Variants in SHROOM3 observed in about 807,000 individuals in gnomAD.
SHROOM3 encodes shroom family member 3.
In SHROOM3, 47 loss-of-function variants were observed where a neutral mutation model predicts 138.6. The ratio of observed to expected loss-of-function variants is 0.34; its 90% CI spans 0.27 to 0.43. The LOEUF (loss-of-function observed/expected upper bound fraction) is 0.43, where lower values mean the gene tolerates loss of function less well. SHROOM3 is among the 20% of genes least tolerant of loss of function. The pLI, the probability that SHROOM3 is intolerant of heterozygous loss-of-function variation, is 1.00. For synonymous variants in SHROOM3, 1,062 were observed against 1,063.3 expected (o/e 1.00, Z 0.02); for missense variants, 2,491 against 2,596.5 (o/e 0.96, Z 0.88).
intron 1 of SHROOM3, among the ~76,000 whole-genome samples, chr4:76,533,568 T>A (rs1180732362): frequency 6.6e-6 from 1 of 152,180 alleles, no homozygotes; most frequent in East Asian, 1.9e-4. Context: ...TCTCTGGGCT[T>A]ATTAGACATG....
intron 2 of SHROOM3, among the ~76,000 whole-genome samples, chr4:76,572,095 T>C (rs1733844556): frequency 6.6e-6 from 1 of 152,194 alleles, no homozygotes; most frequent in Admixed American, 6.5e-5. Context: ...TCCTGGATCC[T>C]CATCCAAACT....
At chr4:76,753,277 T>C (rs972889390) in intron 6 of SHROOM3, among the ~76,000 whole-genome samples, 1 of 152,242 alleles carries the variant, frequency 6.6e-6, no homozygotes, top group Non-Finnish European at 1.5e-5. Context: ...AATAAAGGCA[T>C]GAGAAGAGCT....
Position 76,740,021 on chromosome 4 carries a change from CAA to C in SHROOM3, c.1849_1850del (p.Lys617GlufsTer53). On this transcript the variant is annotated frameshift_variant, in exon 5 of 11. Transcript: ENST00000296043. LOFTEE classifies it high-confidence loss of function. The surrounding 1 kb of genome is among the most constrained non-coding windows in gnomAD (Gnocchi z 4.0). ...CTCAGGCCTGGCAAGCGGGTGAAGA[CAA>C]GAGATCTTCCAGGCTCTCAGAGCCC... ...QAQAWQAGED[K>X]RSSRLSEPWE... 6.2e-7 allele frequency: 1 copy of C among 1,613,964 alleles called. No homozygotes were observed. The highest frequency in any genetic ancestry group is 8.5e-7 in the Non-Finnish European group (1 of 1,180,052).
chr4:76,535,537 T>A (rs1321446952), intron 1 of SHROOM3, among the ~76,000 whole-genome samples: 2 of 152,238 alleles, frequency 1.3e-5, no homozygotes, highest in African/African-American at 4.8e-5. Flanking sequence ...CTTAAGGGGC[T>A]GCTGCATAAT....
intron 2 of SHROOM3, among the ~76,000 whole-genome samples, chr4:76,579,988 G>A (rs1400233318): frequency 6.6e-6 from 1 of 152,190 alleles, no homozygotes; most frequent in East Asian, 1.9e-4. Flanking sequence ...CGTATCTCCT[G>A]TCACATTTCT....
intron 2 of SHROOM3, chr4:76,559,158 A>G (rs375085540): frequency 1.3e-5 from 2 of 152,124 alleles, no homozygotes; most frequent in Middle Eastern, 3.2e-3. Flanking sequence ...TATCTCATCT[A>G]TTATGTGTTG....
chr4:76,561,499 G>T (rs1190023927), intron 2 of SHROOM3, among the ~76,000 whole-genome samples: 2 of 151,982 alleles, frequency 1.3e-5, no homozygotes, highest in East Asian at 3.9e-4. Flanking sequence ...CTGCCTGGAG[G>T]TAGAAATGAG....
Position 76,738,807 on chromosome 4 carries a change from C to T in SHROOM3, c.634C>T (p.Arg212Trp), listed in dbSNP as rs773899698. The change falls in exon 5 of 11, where the codon CGG (arginine) becomes TGG (tryptophan). Residue 212 changes from arginine to tryptophan, a missense_variant. By Grantham distance (101) the Arg-to-Trp change is moderately radical (BLOSUM62 -3). Coordinates refer to ENST00000296043, the MANE Select transcript of SHROOM3 (RefSeq NM_020859.4). ...CAACTATGACCATGCTTATCTAAGG[C>T]GGAGCCCTGACCAGTGCAGCTCCCA... is the stretch of plus-strand genomic sequence containing the variant. ...LSNYDHAYLRRSPDQCSSQGS... is the reference protein window; with the variant it reads ...LSNYDHAYLRWSPDQCSSQGS... The T allele has an allele frequency of 5.0e-6, 8 of 1,614,120 alleles. No homozygotes were observed. In the African/African-American group the frequency reaches 5.3e-5, roughly 11 times the overall value.
rs547578943 is a variant in SHROOM3, at chr4:76,760,253, T to A, written c.5349+558T>A. Among the ~76,000 whole-genome samples, 10 of 152,324 alleles carry A rather than the reference T, an allele frequency of 6.6e-5. No individual in the cohort carries two copies. In the South Asian group the frequency reaches 2.1e-3, roughly 32 times the overall value. The stretch of plus-strand genomic sequence containing the variant: ...AGTGCTGGAATCTAGTTGTTAGCAT[T>A]TGATACTCCTACAGAGATTTCAAAT... On this transcript the variant is annotated intron_variant, in intron 9 of 10. Coordinates refer to ENST00000296043, the MANE Select transcript of SHROOM3 (RefSeq NM_020859.4).
chr4:76,605,740 A>G (rs1307709607), intron 2 of SHROOM3, among the ~76,000 whole-genome samples: 3 of 151,926 alleles, frequency 2.0e-5, no homozygotes, highest in Non-Finnish European at 4.4e-5. Context: ...AGAAAAAATG[A>G]AAAGATGTAT....
At chr4:76,568,400 A>G (rs1733771375) in intron 2 of SHROOM3, among the ~76,000 whole-genome samples, 1 of 152,174 alleles carries the variant, frequency 6.6e-6, no homozygotes, top group Non-Finnish European at 1.5e-5. Flanking sequence ...TTCCTGCATT[A>G]AGAGCTGCTG....
chr4:76,577,143 G>A (rs749554347), intron 2 of SHROOM3, among the ~76,000 whole-genome samples: 11 of 152,152 alleles, frequency 7.2e-5, no homozygotes, highest in Non-Finnish European at 1.3e-4. Flanking sequence ...TGACTCTAGC[G>A]TTCCAAAAGG....
rs903626235 is a variant in SHROOM3 at position 76,553,620 on chromosome 4, A to G, written c.169-1989A>G. Among the ~76,000 whole-genome samples, 13 of 151,836 alleles carry G rather than the reference A, an allele frequency of 8.6e-5. 1 individual carries two copies. The highest frequency in any genetic ancestry group is 6.6e-5 in the Admixed American group (1 of 15,252). ...ATTCTCCCACTTCAGCCTCCCAACT[A>G]GCTGGGATTACAGGTGTGTGCCACC... On this transcript the variant is annotated intron_variant, in intron 1 of 10. Transcript: ENST00000296043.
chr4:76,539,473 T>A (rs1733052691), intron 1 of SHROOM3, among the ~76,000 whole-genome samples: 1 of 152,220 alleles, frequency 6.6e-6, no homozygotes, highest in Non-Finnish European at 1.5e-5. Flanking sequence ...TACTCTTTAA[T>A]ACTGTGAGGT....
chr4:76,462,796 T>C (rs1047888267), intron 1 of SHROOM3, among the ~76,000 whole-genome samples: 1 of 150,834 alleles, frequency 6.6e-6, no homozygotes, highest in African/African-American at 2.4e-5. Context: ...TGGTAAGACA[T>C]GCTTGCTTCC....
At position 76,616,622 on chromosome 4, in the gene SHROOM3, G is replaced by A. The variant is rs1277501545; in HGVS notation, c.323+60859G>A. Among the ~76,000 whole-genome samples the A allele has an allele frequency of 2.0e-5, 3 of 152,326 alleles. No individual in the cohort carries two copies. In the East Asian group the frequency reaches 5.8e-4, roughly 29 times the overall value. On this transcript the variant is annotated intron_variant, in intron 2 of 10. Coordinates refer to ENST00000296043, the MANE Select transcript of SHROOM3 (RefSeq NM_020859.4). ...ATTCCGATTATCTGAGGTACCTAGA[G>A]TAGTCAAACTCATTGAGAGAAAAAG...
intron 1 of SHROOM3, among the ~76,000 whole-genome samples, chr4:76,514,517 C>T (rs961101206): frequency 2.6e-5 from 4 of 151,926 alleles, no homozygotes; most frequent in African/African-American, 7.3e-5. Flanking sequence ...AGTAGGACTG[C>T]GAGTGGATAT....
intron 2 of SHROOM3, among the ~76,000 whole-genome samples, chr4:76,625,796 A>G (rs1308093490): frequency 6.6e-6 from 1 of 152,196 alleles, no homozygotes; most frequent in Non-Finnish European, 1.5e-5. Context: ...GTCTACCCCT[A>G]TAACTAACCA....
At chr4:76,551,960 C>A (rs1733365957) in intron 1 of SHROOM3, among the ~76,000 whole-genome samples, 1 of 150,120 alleles carries the variant, frequency 6.7e-6, no homozygotes, top group African/African-American at 2.5e-5. Flanking sequence ...CTCCTGGGTT[C>A]ACGCCATTCT....
Sources: allele counts gnomAD v4.1 joint callset (sites outside exome capture counted in the v4.1 genomes callset), GRCh38; gene constraint gnomAD v4.1.1; non-coding constraint Gnocchi (gnomAD v3.1); transcripts MANE v1.5; gene names NCBI Gene and HGNC (gene_info 2026-07-23, HGNC 2026-07-21).